SH3BP5: variants seen among roughly 807,000 people sequenced by gnomAD.
The protein encoded by SH3BP5 is SH3 domain-binding protein 5.
SH3BP5 carries 22 observed loss-of-function variants against 43.3 expected under a neutral mutation model. That is an observed-to-expected ratio of 0.51 (90% CI 0.36 to 0.73). SH3BP5 has a LOEUF of 0.73. Ranked by LOEUF, SH3BP5 falls within the 30% of genes least tolerant of loss-of-function variation. The pLI, the probability that SH3BP5 is intolerant of heterozygous loss-of-function variation, is 0.00. For synonymous variants in SH3BP5, 255 were observed against 225.8 expected, an observed-to-expected ratio of 1.13 and a Z score of -1.16; for missense variants, 529 against 586.9, an observed-to-expected ratio of 0.90 and a Z score of 1.02.
At chr3:15,330,468 T>C (rs1445963645) in intron 2 of SH3BP5, 36 bp downstream of exon 2, 1 of 1,557,100 alleles carries the variant, frequency 6.4e-7, no homozygotes, top group Non-Finnish European at 8.9e-7. Flanking sequence ...GTGAGTGACA[T>C]CACTTCACCA....
intron 3 of SH3BP5, among the ~76,000 whole-genome samples, chr3:15,276,863 G>C (rs1696985458): frequency 1.3e-5 from 2 of 152,144 alleles, no homozygotes; most frequent in Admixed American, 6.5e-5. Context: ...TCTGAATATA[G>C]TACATTTATA....
chr3:15,294,321 G>A lies in SH3BP5; in HGVS notation c.330+9782C>T, dbSNP rs560300092. ...TGTGTGTGTGTGTGTGTGTGTGTGTGTGTGTGTGTGCGCGCGCATGTTTAC... is the reference window on the plus strand; with the variant it reads ...TGTGTGTGTGTGTGTGTGTGTGTGTATGTGTGTGTGCGCGCGCATGTTTAC... On this transcript the variant is annotated intron_variant, in intron 3 of 8. Coordinates refer to ENST00000383791, the MANE Select transcript of SH3BP5 (RefSeq NM_004844.5). Among the ~76,000 whole-genome samples the A allele has an allele frequency of 1.5e-3, 185 of 122,082 alleles. 1 individual carries two copies. The highest frequency in any genetic ancestry group is 3.7e-3 in the African/African-American group (94 of 25,252). The allele number at this position is 122,082 out of a possible 152,430, so 80.1% of individuals were successfully genotyped here.
At chr3:15,275,957 T>C (rs1220286726) in intron 3 of SH3BP5, 2 of 128,130 alleles carry the variant, frequency 1.6e-5, no homozygotes, top group Admixed American at 1.7e-4. Context: ...GAGGTGGAGG[T>C]TGCAGCAAGC....
intron 2 of SH3BP5, among the ~76,000 whole-genome samples, chr3:15,328,797 G>C (rs1198415208): frequency 6.6e-6 from 1 of 152,158 alleles, no homozygotes. Flanking sequence ...CATAGTACCA[G>C]AAGATGCTGA....
chr3:15,291,963 G>A (rs1225850928), intron 3 of SH3BP5, among the ~76,000 whole-genome samples: 1 of 152,158 alleles, frequency 6.6e-6, no homozygotes, highest in Non-Finnish European at 1.5e-5. Flanking sequence ...GTCAGGAAAG[G>A]AACAGAAGGT....
At chr3:15,260,142 T>C (rs944917701) in intron 5 of SH3BP5, 22 of 326,324 alleles carry the variant, frequency 6.7e-5, no homozygotes, top group Non-Finnish European at 2.3e-5. Context: ...TACCCAGCAG[T>C]AAGGGTGGCC....
At chr3:15,278,937 A>AC (rs1553615228) in intron 3 of SH3BP5, among the ~76,000 whole-genome samples, 1 of 152,050 alleles carries the variant, frequency 6.6e-6, no homozygotes, top group African/African-American at 2.4e-5. Flanking sequence ...TGGGAGGCTG[A>AC]GGCGGGCAGA....
chr3:15,305,140 T>C (rs1697867261), intron 2 of SH3BP5, among the ~76,000 whole-genome samples: 1 of 151,958 alleles, frequency 6.6e-6, no homozygotes, highest in South Asian at 2.1e-4. Context: ...ATTAATTCAT[T>C]ATATTTAAAA....
At chr3:15,299,593 A>T (rs1406077886) in intron 3 of SH3BP5, among the ~76,000 whole-genome samples, 1 of 146,466 alleles carries the variant, frequency 6.8e-6, no homozygotes, top group Non-Finnish European at 1.5e-5. Flanking sequence ...TTCTGTGCTC[A>T]AGCAATCCTC....
At chr3:15,320,558 G>A (rs1698296356) in intron 2 of SH3BP5, among the ~76,000 whole-genome samples, 2 of 146,882 alleles carry the variant, frequency 1.4e-5, no homozygotes, top group Middle Eastern at 3.8e-3. Flanking sequence ...TACCTGGGCT[G>A]CCTGCCAAAG....
At chr3:15,310,689 T>G (rs1164156896) in intron 2 of SH3BP5, among the ~76,000 whole-genome samples, 1 of 152,178 alleles carries the variant, frequency 6.6e-6, no homozygotes, top group Non-Finnish European at 1.5e-5. Context: ...AGTTTTTAGA[T>G]CAGCACTTGA....
chr3:15,273,041 G>A (rs890240464), intron 3 of SH3BP5: 19 of 741,712 alleles, frequency 2.6e-5, no homozygotes, highest in Non-Finnish European at 2.6e-5. Flanking sequence ...CAAGCTGCTG[G>A]GAACGAGAGG....
chr3:15,259,092 AGCCTT>A lies in SH3BP5; in HGVS notation c.670-47_670-43del, dbSNP rs1696333847. 3 of 1,490,004 alleles carry A rather than the reference AGCCTT, an allele frequency of 2.0e-6. No homozygotes were observed. In the East Asian group the frequency reaches 6.8e-5, roughly 34 times the overall value. The allele number at this position is 1,490,004 out of a possible 1,614,324, so 92.3% of individuals were successfully genotyped here. A position where few individuals can be genotyped will look rare whatever the true frequency, so the allele number is the denominator to read the frequency against. On this transcript the variant is annotated intron_variant, in intron 6 of 8. Transcript: ENST00000383791. ...GAGACTAAGTGAAGACTACCCTGCT[AGCCTT>A]AAGATGCTTTCTGAATGACAGGTTC...
In SH3BP5 at chr3:15,332,345, C is replaced by G; in HGVS notation, c.64G>C (p.Asp22His). The G allele has an allele frequency of 6.5e-7, 1 of 1,542,842 alleles. No homozygotes were observed. The highest frequency in any genetic ancestry group is 8.7e-7 in the Non-Finnish European group (1 of 1,148,508). Reference sequence around the variant, plus strand: ...CCCTCTTCCTCCTCCTCCTCCTCGTCCCGGGCAGGCGGCAGGATTTCGGCT... The same window carrying G: ...CCCTCTTCCTCCTCCTCCTCCTCGTGCCGGGCAGGCGGCAGGATTTCGGCT... ...EPAEILPPAR[D>H]EEEEEEEGME... The change falls in exon 1 of 9, where the codon GAC (aspartate) becomes CAC (histidine). Residue 22 changes from aspartate to histidine, a missense_variant. Transcript: ENST00000383791.
chr3:15,278,531 C>T lies in SH3BP5; in HGVS notation c.331-8654G>A, dbSNP rs114375002. Among the ~76,000 whole-genome samples, 678 of 152,290 alleles carry T rather than the reference C, an allele frequency of 4.5e-3. 7 individuals carry two copies. The highest frequency in any genetic ancestry group is 7.7e-3 in the Non-Finnish European group (523 of 68,028). On this transcript the variant is annotated intron_variant, in intron 3 of 8. Coordinates refer to ENST00000383791, the MANE Select transcript of SH3BP5 (RefSeq NM_004844.5). ...CTGAATGATGCTTCATTGAAGAGGA[C>T]CAGAGATAGAAACTGGCCATTCTGA... is the stretch of plus-strand genomic sequence containing the variant.
intron 4 of SH3BP5, among the ~76,000 whole-genome samples, chr3:15,265,649 T>C (rs538169901): frequency 1.5e-4 from 23 of 151,848 alleles, no homozygotes; most frequent in Admixed American, 2.6e-4. Context: ...TGGTTATGTC[T>C]CCTAGGTAAT....
intron 7 of SH3BP5, among the ~76,000 whole-genome samples, chr3:15,257,832 AT>A (rs372013925): frequency 2.0e-4 from 30 of 152,004 alleles, no homozygotes; most frequent in East Asian, 1.4e-3. Context: ...TTCCTACTCC[AT>A]TTTTCCCCCC....
chr3:15,325,598 C>T (rs1397968031), intron 2 of SH3BP5, among the ~76,000 whole-genome samples: 14 of 152,194 alleles, frequency 9.2e-5, no homozygotes, highest in Admixed American at 3.9e-4. Context: ...CTTTTTATTG[C>T]GTTTTCCACC....
chr3:15,290,254 C>T (rs774472139), intron 3 of SH3BP5, among the ~76,000 whole-genome samples: 11 of 151,984 alleles, frequency 7.2e-5, no homozygotes, highest in Admixed American at 3.9e-4. Flanking sequence ...TTAGGCTGGG[C>T]GCGGTGGCTC....
Sources: gnomAD v4.1 joint callset for allele counts (sites outside exome capture counted in the v4.1 genomes callset) on GRCh38, gnomAD v4.1.1 for gene constraint, MANE v1.5 for transcripts, NCBI Gene and HGNC (gene_info 2026-07-23, HGNC 2026-07-21) for gene names.